ZNF385D: variants seen among roughly 807,000 people sequenced by gnomAD.
The protein encoded by ZNF385D is zinc finger protein 659.
In ZNF385D, 15 loss-of-function variants were observed where a neutral mutation model predicts 35.8. That is an observed-to-expected ratio of 0.42 (90% confidence interval 0.28 to 0.64). ZNF385D has a LOEUF of 0.64. Ranked by LOEUF, ZNF385D falls within the 30% of genes least tolerant of loss-of-function variation. ZNF385D has a pLI of 0.23. For synonymous variants in ZNF385D, 212 were observed against 186.8 expected, an observed-to-expected ratio of 1.13 and a Z score of -1.10; for missense variants, 474 against 494.6, an observed-to-expected ratio of 0.96 and a Z score of 0.39.
intron 1 of ZNF385D, among the ~76,000 whole-genome samples, chr3:21,711,462 T>C (rs1035277787): frequency 3.3e-5 from 5 of 152,230 alleles, no homozygotes; most frequent in Non-Finnish European, 5.9e-5. Flanking sequence ...TTAGAAATGA[T>C]TCACCTCACT....
intron 3 of ZNF385D, among the ~76,000 whole-genome samples, chr3:21,788,247 G>A (rs542195035): frequency 3.3e-4 from 51 of 152,366 alleles, no homozygotes; most frequent in African/African-American, 1.2e-3. Flanking sequence ...GGGAGGCCGA[G>A]GTGAGTGAAT....
At position 21,805,337 on chromosome 3, in the gene ZNF385D, C is replaced by T. The variant is rs1257412593; in HGVS notation, c.326-140309G>A. On this transcript the variant is annotated intron_variant, in intron 3 of 5. Coordinates refer to the ZNF385D transcript ENST00000494108. ...TTTAGTGTGGAAATAGGTTGTAAAT[C>T]TGGGTGCTTAGGTATAGAAACAAGT... Among the ~76,000 whole-genome samples the T allele has an allele frequency of 2.6e-5, 4 of 152,230 alleles. No homozygotes were observed. In the East Asian group the frequency reaches 7.7e-4, roughly 29 times the overall value.
At chr3:21,964,936 A>G (rs1219830557) in intron 3 of ZNF385D, among the ~76,000 whole-genome samples, 1 of 152,214 alleles carries the variant, frequency 6.6e-6, no homozygotes, top group Non-Finnish European at 1.5e-5. Flanking sequence ...GAAGATGCAT[A>G]TATTCATGTA....
intron 3 of ZNF385D, among the ~76,000 whole-genome samples, chr3:22,101,241 T>C (rs1413048295): frequency 6.6e-6 from 1 of 152,016 alleles, no homozygotes; most frequent in Non-Finnish European, 1.5e-5. Flanking sequence ...TGAATGAAAA[T>C]GCTTACCTTG....
At chr3:22,185,019 C>G (rs1257646414) in intron 2 of ZNF385D, among the ~76,000 whole-genome samples, 1 of 151,922 alleles carries the variant, frequency 6.6e-6, no homozygotes, top group African/African-American at 2.4e-5. Context: ...TGAGTTTTCT[C>G]CCAGAAATGC....
intron 4 of ZNF385D, among the ~76,000 whole-genome samples, chr3:21,499,311 A>T (rs1243538176): frequency 2.0e-5 from 3 of 152,192 alleles, no homozygotes; most frequent in African/African-American, 7.2e-5. Flanking sequence ...AAAAAAGAAC[A>T]AGATCATGTC....
At chr3:21,806,110 A>G (rs913459000) in intron 3 of ZNF385D, among the ~76,000 whole-genome samples, 4 of 152,086 alleles carry the variant, frequency 2.6e-5, no homozygotes, top group African/African-American at 4.8e-5. Context: ...CTGGTACTCA[A>G]GTGGTGCTTG....
intron 3 of ZNF385D, among the ~76,000 whole-genome samples, chr3:21,515,404 T>G (rs1329569305): frequency 6.6e-6 from 1 of 152,228 alleles, no homozygotes; most frequent in Non-Finnish European, 1.5e-5. Context: ...CATAACCAAT[T>G]AATTTTCATG....
At chr3:22,068,030 C>A (rs1700043877) in intron 3 of ZNF385D, among the ~76,000 whole-genome samples, 1 of 151,932 alleles carries the variant, frequency 6.6e-6, no homozygotes, top group African/African-American at 2.4e-5. Context: ...AAATCTAAGA[C>A]TTCTCTGATC....
intron 3 of ZNF385D, among the ~76,000 whole-genome samples, chr3:22,156,767 T>C (rs1489013605): frequency 1.3e-5 from 2 of 152,068 alleles, no homozygotes; most frequent in Admixed American, 6.6e-5. Flanking sequence ...TAGACTCCCA[T>C]TTAAAGGACC....
chr3:21,935,430 CATAGAT>C (rs1486107583), intron 3 of ZNF385D, among the ~76,000 whole-genome samples: 7 of 152,076 alleles, frequency 4.6e-5, no homozygotes, highest in East Asian at 1.9e-4. Flanking sequence ...GAAATTGGGA[CATAGAT>C]ATAAAGTAAT....
At chr3:21,573,031 G>A (rs2063379764) in intron 2 of ZNF385D, among the ~76,000 whole-genome samples, 1 of 152,006 alleles carries the variant, frequency 6.6e-6, no homozygotes, top group Non-Finnish European at 1.5e-5. Context: ...TTACAGCTGG[G>A]TACTTCTAGA....
At chr3:22,206,306 A>G (rs1202669193) in intron 2 of ZNF385D, among the ~76,000 whole-genome samples, 1 of 152,018 alleles carries the variant, frequency 6.6e-6, no homozygotes, top group African/African-American at 2.4e-5. Context: ...CTAAAGAGAG[A>G]GATAGACCCT....
chr3:21,988,524 G>C (rs531262614), intron 3 of ZNF385D, among the ~76,000 whole-genome samples: 2 of 145,226 alleles, frequency 1.4e-5, no homozygotes, highest in South Asian at 2.5e-4. Context: ...CAGTCTGCCC[G>C]TTCTCAGATC....
At chr3:22,251,416 T>C (rs1700059013) in intron 2 of ZNF385D, among the ~76,000 whole-genome samples, 1 of 152,152 alleles carries the variant, frequency 6.6e-6, no homozygotes, top group Non-Finnish European at 1.5e-5. Context: ...CAATGGTTGG[T>C]TGTACGTAAC....
intron 4 of ZNF385D, among the ~76,000 whole-genome samples, chr3:21,505,614 A>G (rs1029915005): frequency 6.6e-6 from 1 of 152,110 alleles, no homozygotes; most frequent in Non-Finnish European, 1.5e-5. Context: ...AACTTTTCAC[A>G]AGCCATAACT....
chr3:22,082,060 G>A (rs1253995450), intron 3 of ZNF385D, among the ~76,000 whole-genome samples: 2 of 148,194 alleles, frequency 1.3e-5, no homozygotes, highest in East Asian at 2.0e-4. Context: ...ACTTCGAACT[G>A]CAGTGTTAAG....
intron 3 of ZNF385D, among the ~76,000 whole-genome samples, chr3:21,982,112 C>T (rs1025284502): frequency 2.3e-5 from 3 of 132,066 alleles, no homozygotes; most frequent in South Asian, 2.4e-4. Flanking sequence ...CTGTGAAGAA[C>T]ATCACTGGTA....
intron 2 of ZNF385D, among the ~76,000 whole-genome samples, chr3:22,266,014 T>G (rs1411402676): frequency 6.6e-6 from 1 of 151,994 alleles, no homozygotes; most frequent in East Asian, 1.9e-4. Context: ...CAGGCCATCT[T>G]GGCCTCCACT....
Sources: allele counts gnomAD v4.1 joint callset (sites outside exome capture counted in the v4.1 genomes callset), GRCh38; gene constraint gnomAD v4.1.1; transcripts MANE v1.5; gene names NCBI Gene and HGNC (gene_info 2026-07-23, HGNC 2026-07-21).